Variants in SESN3 observed in about 807,000 individuals in gnomAD.
SESN3 encodes sestrin-3.
Under a neutral mutation model 55.3 loss-of-function variants are expected in SESN3, and 21 were observed. That is an observed-to-expected ratio of 0.38 (90% CI 0.27 to 0.55). The LOEUF is 0.55. Ranked by LOEUF, SESN3 falls within the 20% of genes least tolerant of loss-of-function variation. The pLI is 0.76. For missense variants in SESN3, 408 were observed against 604.3 expected (o/e 0.68, Z 3.41); for synonymous variants, 181 against 203.1 (o/e 0.89, Z 0.93).
At chr11:95,198,242 C>T (rs183149102) in intron 1 of SESN3, among the ~76,000 whole-genome samples, 2 of 152,118 alleles carry the variant, frequency 1.3e-5, no homozygotes, top group Middle Eastern at 3.4e-3. Flanking sequence ...TGTAGCTTAC[C>T]CCATTGTTGG....
rs930543554 is a variant in SESN3, at chr11:95,170,276, G to T, written c.*2979C>A. ...GGAGAGTATCTCAATATTTCTTAAG[G>T]TGATCTGAGAAATTATAAATTACCA... is the stretch of plus-strand genomic sequence containing the variant. On this transcript the variant is annotated 3_prime_UTR_variant, in exon 10 of 10. Transcript: ENST00000536441. 6.6e-6 allele frequency: 1 copy of T among 152,148 alleles called. No individual in the cohort carries two copies. The highest frequency in any genetic ancestry group is 2.4e-5 in the African/African-American group (1 of 41,440). The allele number at this position is 152,148 out of a possible 1,614,324, so 9.4% of individuals were successfully genotyped here.
At chr11:95,194,455 T>C (rs1405492357) in intron 1 of SESN3, among the ~76,000 whole-genome samples, 12 of 152,226 alleles carry the variant, frequency 7.9e-5, no homozygotes, top group Non-Finnish European at 1.6e-4. Context: ...TCAGATACTG[T>C]GATAGACTTT....
intron 1 of SESN3, among the ~76,000 whole-genome samples, chr11:95,196,103 T>G (rs1860356449): frequency 6.6e-6 from 1 of 152,196 alleles, no homozygotes; most frequent in South Asian, 2.1e-4. Context: ...TATTTGTTTA[T>G]ATACCGAACA....
chr11:95,189,927 T>G lies in SESN3; in HGVS notation c.377A>C (p.Asn126Thr). 1 of 1,610,386 alleles carries G rather than the reference T, an allele frequency of 6.2e-7. No individual in the cohort carries two copies. Among genetic ancestry groups the G allele is most frequent in the Non-Finnish European group, 8.5e-7 (1 of 1,178,096 alleles). ...AARHQCSYLI[N>T]MHVDEFLKTG... ...CTTTAAAAATTCATCCACATGCATG[T>G]TTATTAAGTAAGAACACTGATGTCT... Residue 126 changes from asparagine (N) to threonine (T), a missense_variant, in exon 4 of 10, where the codon AAC becomes ACC. Around this residue, in one of 4 missense-constraint regions of SESN3, gnomAD observed 107 missense variants for 211.3 expected, o/e 0.51. Coordinates refer to ENST00000536441, the MANE Select transcript of SESN3 (RefSeq NM_144665.4).
At chr11:95,184,116 A>G (rs967686275) in intron 6 of SESN3, 1 of 386,840 alleles carries the variant, frequency 2.6e-6, no homozygotes, top group African/African-American at 2.1e-5. Context: ...AAAAAATCAC[A>G]AAAGTAGGAT....
intron 1 of SESN3, among the ~76,000 whole-genome samples, chr11:95,229,428 T>G (rs545007542): frequency 6.6e-6 from 1 of 152,108 alleles, no homozygotes; most frequent in African/African-American, 2.4e-5. Flanking sequence ...GAGAAACATA[T>G]CCAATAAACA....
intron 1 of SESN3, among the ~76,000 whole-genome samples, chr11:95,207,823 T>G (rs1423796190): frequency 2.0e-5 from 3 of 150,482 alleles, no homozygotes; most frequent in African/African-American, 4.9e-5. Context: ...ATACTATATG[T>G]TTTTTTTGTT....
intron 1 of SESN3, among the ~76,000 whole-genome samples, chr11:95,229,591 A>G (rs1268422180): frequency 6.6e-6 from 1 of 152,158 alleles, no homozygotes; most frequent in Non-Finnish European, 1.5e-5. Context: ...ACTTGGCCTG[A>G]CCCACAGAGG....
At chr11:95,206,626 C>T (rs1860554045) in intron 1 of SESN3, among the ~76,000 whole-genome samples, 1 of 152,102 alleles carries the variant, frequency 6.6e-6, no homozygotes, top group African/African-American at 2.4e-5. Flanking sequence ...AGTTTGCATA[C>T]AGATGCTATT....
chr11:95,175,133 G>A (rs11021063), intron 9 of SESN3, among the ~76,000 whole-genome samples: 38,801 of 152,022 alleles, frequency 0.26, 5,606 homozygotes, highest in Admixed American at 0.31. Context: ...GGAAGCCGAG[G>A]TGGGCAGATC....
Position 95,219,726 on chromosome 11 carries a change from G to A in SESN3, c.78+11057C>T, listed in dbSNP as rs542072660. Among the ~76,000 whole-genome samples the A allele has an allele frequency of 3.3e-5, 5 of 151,650 alleles. No homozygotes were observed. The South Asian group carries it at 8.4e-4, about 25-fold the overall frequency. On this transcript the variant is annotated intron_variant, in intron 1 of 9. Coordinates refer to ENST00000536441, the MANE Select transcript of SESN3 (RefSeq NM_144665.4). ...CTATTAGACACAGCACAACCGACAA[G>A]CACATCCTTGGAGTAAACATATTGA...
rs556526434 is a variant in SESN3, at chr11:95,208,690, A to G, written c.79-15168T>C. ...AACTATACTACAAGGCTACAGTAAC[A>G]AAAACAGCATGGCACTGGTACTAAA... On this transcript the variant is annotated intron_variant, in intron 1 of 9. Transcript: ENST00000536441. 1.0e-3 allele frequency among the ~76,000 whole-genome samples: 159 copies of G among 151,600 alleles called. 1 individual carries two copies. Among genetic ancestry groups the G allele is most frequent in the African/African-American group, 3.5e-3 (146 of 41,364 alleles).
At chr11:95,199,127 G>C (rs1217310449) in intron 1 of SESN3, among the ~76,000 whole-genome samples, 1 of 151,974 alleles carries the variant, frequency 6.6e-6, no homozygotes. Context: ...TTAAAAAAAG[G>C]AATGTAAAAG....
chr11:95,176,591 T>C (rs919705041), intron 8 of SESN3, among the ~76,000 whole-genome samples: 1 of 152,196 alleles, frequency 6.6e-6, no homozygotes, highest in African/African-American at 2.4e-5. Context: ...TAGGTAAATG[T>C]AGTATTGGGA....
At position 95,185,257 on chromosome 11, in the gene SESN3, C is replaced by A; in HGVS notation, c.761G>T (p.Gly254Val). 2 of 1,583,078 alleles carry A rather than the reference C, an allele frequency of 1.3e-6. No individual in the cohort carries two copies. Among genetic ancestry groups the A allele is most frequent in the Non-Finnish European group, 8.7e-7 (1 of 1,154,584 alleles). The change falls in exon 5 of 10, where the codon GGG becomes GTG. Residue 254 changes from glycine to valine, a missense_variant and splice_region_variant. Physicochemically the swap from Gly to Val is moderately radical, Grantham distance 109 (BLOSUM62 -3). Coordinates refer to ENST00000536441, the MANE Select transcript of SESN3 (RefSeq NM_144665.4). ...ENASLSGSNFGIVDSLSELEA... is the reference protein window; with the variant it reads ...ENASLSGSNFVIVDSLSELEA... Reference sequence around the variant, plus strand: ...AGAAAAATAGCTAAGAAAACTAACCCCAAAGTTGCTGCCTGAAAGAGATGC... The same window carrying A: ...AGAAAAATAGCTAAGAAAACTAACCACAAAGTTGCTGCCTGAAAGAGATGC...
At chr11:95,182,092 C>G (rs1055527831) in intron 6 of SESN3, 4 of 288,902 alleles carry the variant, frequency 1.4e-5, no homozygotes, top group South Asian at 3.1e-5. Context: ...TCAAAATTCA[C>G]TTTTGAAGGC....
intron 8 of SESN3, 106 bp downstream of exon 8, chr11:95,177,613 T>TA: frequency 4.4e-6 from 3 of 676,200 alleles, no homozygotes; most frequent in Non-Finnish European, 7.2e-6. Flanking sequence ...AGTCTACATG[T>TA]AATATTTTCT....
chr11:95,207,689 T>G (rs1860574923), intron 1 of SESN3, among the ~76,000 whole-genome samples: 1 of 151,604 alleles, frequency 6.6e-6, no homozygotes, highest in South Asian at 2.1e-4. Flanking sequence ...GGTAAAATGT[T>G]ATAAAACCAA....
chr11:95,178,610 TTC>T lies in SESN3; in HGVS notation c.1056+98_1056+99del, dbSNP rs1158348885. On this transcript the variant is annotated intron_variant, in intron 7 of 9. Coordinates refer to ENST00000536441, the MANE Select transcript of SESN3 (RefSeq NM_144665.4). ...TAGGTTAAATACAAAGATTTATAGATTCTATCAAAAATTGTTTAGTGCCAATT... is the reference window on the plus strand; with the variant it reads ...TAGGTTAAATACAAAGATTTATAGATTATCAAAAATTGTTTAGTGCCAATT... 8 of 740,086 alleles carry T rather than the reference TTC, an allele frequency of 1.1e-5. No homozygotes were observed. In the African/African-American group the frequency reaches 1.4e-4, roughly 13 times the overall value. The allele number at this position is 740,086 out of a possible 1,614,324, so 45.8% of individuals were successfully genotyped here. A position where few individuals can be genotyped will look rare whatever the true frequency, so the allele number is the denominator to read the frequency against.
Sources: allele counts gnomAD v4.1 joint callset (sites outside exome capture counted in the v4.1 genomes callset), GRCh38; gene constraint gnomAD v4.1.1; regional missense constraint gnomAD v4.1.1; transcripts MANE v1.5; gene names NCBI Gene and HGNC (gene_info 2026-07-23, HGNC 2026-07-21).